The following HIVEP3 variants were observed in gnomAD, a reference collection of about 807,000 sequenced individuals.
HIVEP3 encodes the protein transcription factor HIVEP3.
In HIVEP3, 49 loss-of-function variants were observed where a neutral mutation model predicts 152.8. The observed-to-expected ratio is 0.32, with a 90% CI of 0.26 to 0.41. The LOEUF (loss-of-function observed/expected upper bound fraction) is 0.41, where lower values mean the gene tolerates loss of function less well. HIVEP3 is among the 10% of genes least tolerant of loss of function. The pLI is 1.00. For synonymous variants in HIVEP3, 1,269 were observed against 1,289.0 expected, an observed-to-expected ratio of 0.98 and a Z score of 0.33; for missense variants, 2,790 against 3,103.3, an observed-to-expected ratio of 0.90 and a Z score of 2.40.
intron 5 of HIVEP3, among the ~76,000 whole-genome samples, chr1:41,560,969 T>G (rs1208352782): frequency 6.6e-6 from 1 of 152,220 alleles, no homozygotes. Flanking sequence ...GATGAGGTCC[T>G]TTGACCTTCA....
chr1:41,564,556 C>G (rs1644132428), intron 5 of HIVEP3, among the ~76,000 whole-genome samples: 1 of 152,078 alleles, frequency 6.6e-6, no homozygotes, highest in Admixed American at 6.6e-5. Flanking sequence ...CTAAAGAAGG[C>G]AACAGGACTG....
At chr1:41,839,646 G>A (rs1344312650) in intron 1 of HIVEP3, among the ~76,000 whole-genome samples, 1 of 152,098 alleles carries the variant, frequency 6.6e-6, no homozygotes, top group African/African-American at 2.4e-5. Context: ...CTGTGTGTGT[G>A]ACTACACATG....
chr1:41,963,719 C>T (rs759724697), intron 1 of HIVEP3, among the ~76,000 whole-genome samples: 23 of 151,862 alleles, frequency 1.5e-4, no homozygotes, highest in Admixed American at 5.9e-4. Context: ...ATTGGTGGAA[C>T]CTAGCCTTAA....
intron 1 of HIVEP3, among the ~76,000 whole-genome samples, chr1:41,774,353 A>T (rs1298230024): frequency 6.6e-6 from 1 of 152,272 alleles, no homozygotes; most frequent in Non-Finnish European, 1.5e-5. Flanking sequence ...GCACAAGCTG[A>T]CTGATGCACT....
In HIVEP3 at chr1:41,513,587, G is replaced by A; in HGVS notation, c.5634C>T (p.Ser1878=). The A allele has an allele frequency of 6.2e-7, 1 of 1,613,596 alleles. No homozygotes were observed. The highest frequency in any genetic ancestry group is 8.5e-7 in the Non-Finnish European group (1 of 1,179,920). The change falls in exon 8 of 9, where the codon TCC becomes TCT. Residue 1878 remains serine (S), a synonymous_variant. Coordinates refer to ENST00000372583, the MANE Select transcript of HIVEP3 (RefSeq NM_024503.5). ...EESQDELSRP[S]SEAPPPGPPH... ...GTGGGCCAGGCGGGGGCGCCTCTGA[G>A]GATGGTCTGGACAGCTCATCCTGGC... is the stretch of plus-strand genomic sequence containing the variant.
rs377698322 is a variant in HIVEP3 at position 41,903,904 on chromosome 1, C to CT, written c.-801+14508dup. Among the ~76,000 whole-genome samples the CT allele has an allele frequency of 3.5e-3, 487 of 140,208 alleles. 1 individual carries two copies. The highest frequency in any genetic ancestry group is 8.1e-3 in the African/African-American group (306 of 37,984). The allele number at this position is 140,208 out of a possible 152,430, so 92.0% of individuals were successfully genotyped here. A position where few individuals can be genotyped will look rare whatever the true frequency, so the allele number is the denominator to read the frequency against. On this transcript the variant is annotated intron_variant, in intron 1 of 8. Transcript: ENST00000372583. ...GTGCTGACCATTTTCCTTTTTTTTT[C>CT]TTTTTTTTTTTTTTTGAGACAGTCT...
chr1:41,809,395 G>A (rs982629182), intron 1 of HIVEP3, among the ~76,000 whole-genome samples: 5 of 152,306 alleles, frequency 3.3e-5, no homozygotes, highest in Non-Finnish European at 7.3e-5. Context: ...CACTTGCCAC[G>A]TGATGCCCAT....
At chr1:41,669,572 A>G (rs1421713674) in intron 2 of HIVEP3, among the ~76,000 whole-genome samples, 3 of 152,174 alleles carry the variant, frequency 2.0e-5, no homozygotes, top group Non-Finnish European at 2.9e-5. Flanking sequence ...GAAAAGGCTG[A>G]GTGGGAGGAA....
intron 2 of HIVEP3, among the ~76,000 whole-genome samples, chr1:41,660,424 A>G (rs1645695374): frequency 6.6e-6 from 1 of 152,224 alleles, no homozygotes; most frequent in Non-Finnish European, 1.5e-5. Flanking sequence ...AAAATTCTCA[A>G]CTTCTGGATG....
In HIVEP3 at chr1:41,808,422, A is replaced by T. The variant is rs116545354; in HGVS notation, c.-800-107427T>A. On this transcript the variant is annotated intron_variant, in intron 1 of 8. Transcript: ENST00000372583. The stretch of plus-strand genomic sequence containing the variant: ...TACCTGAGCCTGGCCTTTGTAAAGA[A>T]ATTTGACAGGCACATCATGACAGGC... Among the ~76,000 whole-genome samples the T allele has an allele frequency of 5.6e-3, 860 of 152,358 alleles. 2 individuals are homozygous for T. The highest frequency in any genetic ancestry group is 9.2e-3 in the Non-Finnish European group (623 of 68,026).
At chr1:41,712,616 C>A (rs192514251) in intron 1 of HIVEP3, among the ~76,000 whole-genome samples, 2 of 152,302 alleles carry the variant, frequency 1.3e-5, no homozygotes, top group East Asian at 3.9e-4. Flanking sequence ...AGGCTCTGCC[C>A]TTCTGAGTGA....
At chr1:41,743,924 C>G (rs1647032294) in intron 1 of HIVEP3, among the ~76,000 whole-genome samples, 1 of 152,184 alleles carries the variant, frequency 6.6e-6, no homozygotes, top group African/African-American at 2.4e-5. Context: ...GAAGAGGATT[C>G]ACCAGAAATC....
At chr1:41,743,041 TGG>T (rs1647019507) in intron 1 of HIVEP3, among the ~76,000 whole-genome samples, 1 of 151,596 alleles carries the variant, frequency 6.6e-6, no homozygotes, top group Non-Finnish European at 1.5e-5. Context: ...TTTCTAATGG[TGG>T]GCAATACCAC....
chr1:42,004,632 A>C (rs1000829752), intron 1 of HIVEP3, among the ~76,000 whole-genome samples: 11 of 152,232 alleles, frequency 7.2e-5, no homozygotes, highest in African/African-American at 2.4e-4. Context: ...ATATGTTCCC[A>C]AGCAAGTTGT....
At chr1:41,742,193 T>C (rs532612992) in intron 1 of HIVEP3, among the ~76,000 whole-genome samples, 2 of 152,190 alleles carry the variant, frequency 1.3e-5, no homozygotes, top group African/African-American at 4.8e-5. Context: ...TGTCCATCCA[T>C]ACGCTCATCT....
intron 5 of HIVEP3, among the ~76,000 whole-genome samples, chr1:41,566,902 T>G (rs916894859): frequency 6.6e-6 from 1 of 152,094 alleles, no homozygotes; most frequent in Admixed American, 6.5e-5. Context: ...CTTTTCTTTC[T>G]TCTCCATCTC....
Position 41,510,542 on chromosome 1 carries a change from C to G in HIVEP3, c.7130G>C (p.Arg2377Thr). ...ARTRNLSGEP[R>T]TRQDSPKPSG... ...GGGCTTGGGGGAGTCCTGCCTGGTC[C>G]TGGGTTCCCCGGAGAGGTTCCTCGT... Residue 2377 changes from arginine to threonine, a missense_variant, in exon 9 of 9, where the codon AGG (arginine) becomes ACG (threonine). Arg to Thr is a moderately conservative substitution (Grantham distance 71, BLOSUM62 -1). Coordinates refer to ENST00000372583, the MANE Select transcript of HIVEP3 (RefSeq NM_024503.5). The G allele has an allele frequency of 6.3e-7, 1 of 1,579,756 alleles. No individual in the cohort carries two copies.
intron 3 of HIVEP3, among the ~76,000 whole-genome samples, chr1:41,627,744 C>G (rs971336987): frequency 2.6e-5 from 4 of 152,172 alleles, no homozygotes; most frequent in Non-Finnish European, 5.9e-5. Flanking sequence ...CAGACCCAAA[C>G]ACAGGCCCCC....
intron 1 of HIVEP3, among the ~76,000 whole-genome samples, chr1:41,874,493 A>C (rs1306377421): frequency 2.6e-5 from 4 of 152,170 alleles, no homozygotes; most frequent in Non-Finnish European, 4.4e-5. Flanking sequence ...ACAGTGTCTA[A>C]GGTTCGAAAT....
Sources: gnomAD v4.1 joint callset for allele counts (sites outside exome capture counted in the v4.1 genomes callset) on GRCh38, gnomAD v4.1.1 for gene constraint, MANE v1.5 for transcripts, NCBI Gene and HGNC (gene_info 2026-07-23, HGNC 2026-07-21) for gene names.